KYNU: variants seen among roughly 807,000 people sequenced by gnomAD.
KYNU encodes the protein L-kynurenine hydrolase.
Under a neutral mutation model 59.2 loss-of-function variants are expected in KYNU, and 54 were observed. The observed-to-expected ratio is 0.91, with a 90% confidence interval of 0.73 to 1.14. The LOEUF is 1.14. KYNU is among the 50% of genes most tolerant of loss of function. KYNU has a pLI of 0.00. For synonymous variants in KYNU, 177 were observed against 192.0 expected, an observed-to-expected ratio of 0.92 and a Z score of 0.65; for missense variants, 567 against 554.4, an observed-to-expected ratio of 1.02 and a Z score of -0.23.
chr2:142,984,975 A>G, intron 8 of KYNU, 109 bp from the exon 9 acceptor site: 3 of 763,420 alleles, frequency 3.9e-6, no homozygotes, highest in Non-Finnish European at 2.3e-6. Context: ...CAAAGAGCAA[A>G]CCATAATTTA....
chr2:142,962,040 C>T lies in KYNU; in HGVS notation c.729+1270C>T, dbSNP rs1684372587. Among the ~76,000 whole-genome samples, 3 of 152,232 alleles carry T rather than the reference C, an allele frequency of 2.0e-5. No individual in the cohort carries two copies. The South Asian group carries it at 6.2e-4, about 32-fold the overall frequency. ...TTGACGGATAACTCTGAAAGTGGTG[C>T]ATTACAAAAGATATAAAGATAATGT... On this transcript the variant is annotated intron_variant, in intron 8 of 13. Transcript: ENST00000264170.
At chr2:142,968,695 C>T (rs534781480) in intron 8 of KYNU, among the ~76,000 whole-genome samples, 1 of 152,232 alleles carries the variant, frequency 6.6e-6, no homozygotes, top group South Asian at 2.1e-4. Flanking sequence ...AAGTGGATTG[C>T]GTGAGCCTAG....
chr2:142,983,415 A>G (rs552957108), intron 8 of KYNU, among the ~76,000 whole-genome samples: 25 of 152,166 alleles, frequency 1.6e-4, no homozygotes, highest in African/African-American at 5.8e-4. Context: ...GCTGAAACTT[A>G]CACCTTACCC....
chr2:142,946,367 G>A (rs539567529), intron 4 of KYNU, among the ~76,000 whole-genome samples: 10 of 152,078 alleles, frequency 6.6e-5, no homozygotes, highest in African/African-American at 1.2e-4. Context: ...TACCCTGCCC[G>A]GCTGCCAAAT....
At chr2:143,017,487 G>A (rs1271322115) in intron 10 of KYNU, among the ~76,000 whole-genome samples, 3 of 130,558 alleles carry the variant, frequency 2.3e-5, no homozygotes, top group Non-Finnish European at 3.1e-5. Context: ...TGTTGCCCAG[G>A]ATGGAGCGCA....
rs531530133 is a variant in KYNU, at chr2:142,912,598, C to T, written c.170-6011C>T. Among the ~76,000 whole-genome samples, 9 of 151,426 alleles carry T rather than the reference C, an allele frequency of 5.9e-5. No homozygotes were observed. In the South Asian group the frequency reaches 8.3e-4, roughly 14 times the overall value. Reference sequence around the variant, plus strand: ...TTCTCCATGTTGGTCAGGCTGGTCTCGAACTCCCAACCTCAGGTGATCCGC... The same window carrying T: ...TTCTCCATGTTGGTCAGGCTGGTCTTGAACTCCCAACCTCAGGTGATCCGC... On this transcript the variant is annotated intron_variant, in intron 2 of 13. Transcript: ENST00000264170.
chr2:142,960,347 G>C (rs1413708652), intron 7 of KYNU, among the ~76,000 whole-genome samples: 3 of 152,194 alleles, frequency 2.0e-5, no homozygotes, highest in Non-Finnish European at 2.9e-5. Flanking sequence ...TGTGGAAAGA[G>C]TACAAATTAA....
intron 3 of KYNU, among the ~76,000 whole-genome samples, chr2:142,926,130 G>C (rs947368779): frequency 7.9e-5 from 12 of 152,074 alleles, no homozygotes; most frequent in African/African-American, 2.7e-4. Context: ...GGGCCTGTGG[G>C]GGGTGAGGGG....
chr2:142,880,040 G>C (rs1228092701), intron 1 of KYNU, among the ~76,000 whole-genome samples: 1 of 152,192 alleles, frequency 6.6e-6, no homozygotes, highest in Non-Finnish European at 1.5e-5. Context: ...GTCAGAATGA[G>C]AGAGGGTGCC....
chr2:142,930,316 A>G (rs352894), intron 4 of KYNU, among the ~76,000 whole-genome samples: 3,988 of 152,282 alleles, frequency 0.026, 169 homozygotes, highest in Admixed American at 0.11. Context: ...TTTAAAATAC[A>G]ATTAGAATAT....
intron 8 of KYNU, among the ~76,000 whole-genome samples, chr2:142,979,327 T>G (rs1472206384): frequency 6.6e-6 from 1 of 152,202 alleles, no homozygotes; most frequent in Non-Finnish European, 1.5e-5. Flanking sequence ...AGAGAATAGC[T>G]ATTGACTTTT....
At chr2:142,932,133 T>G (rs1035324100) in intron 4 of KYNU, among the ~76,000 whole-genome samples, 2 of 152,084 alleles carry the variant, frequency 1.3e-5, no homozygotes, top group Non-Finnish European at 2.9e-5. Context: ...AGAGCCAGAC[T>G]GGGTAATTTC....
intron 4 of KYNU, among the ~76,000 whole-genome samples, chr2:142,937,511 A>G (rs1390798780): frequency 6.7e-6 from 1 of 150,236 alleles, no homozygotes; most frequent in Non-Finnish European, 1.5e-5. Context: ...CATGAGCCAA[A>G]CTAAATTTAA....
intron 7 of KYNU, among the ~76,000 whole-genome samples, chr2:142,959,498 A>G (rs537803023): frequency 6.6e-6 from 1 of 151,940 alleles, no homozygotes; most frequent in Non-Finnish European, 1.5e-5. Flanking sequence ...AGGCAGGAGA[A>G]TCACTTGAAC....
chr2:142,912,703 C>CTTTTTTTTTTTTTTTT (rs1163302368), intron 2 of KYNU, among the ~76,000 whole-genome samples: 1 of 71,836 alleles, frequency 1.4e-5, no homozygotes, highest in Admixed American at 2.0e-4. Context: ...TTCTTTCTTC[C>CTTTTTTTTTTTTTTTT]TTTTTTTTTT....
At chr2:142,906,601 C>T (rs750538948) in intron 2 of KYNU, among the ~76,000 whole-genome samples, 45 of 152,018 alleles carry the variant, frequency 3.0e-4, no homozygotes, top group Non-Finnish European at 1.0e-4. Flanking sequence ...ATACAACCTA[C>T]TCTAATACTT....
rs938689481 is a variant in KYNU, at chr2:142,952,182, T to A, written c.374-2628T>A. Among the ~76,000 whole-genome samples, 11 of 152,096 alleles carry A rather than the reference T, an allele frequency of 7.2e-5. 1 individual carries two copies. Among genetic ancestry groups the A allele is most frequent in the Admixed American group, 5.9e-4 (9 of 15,262 alleles). Reference sequence around the variant, plus strand: ...CGCCACCTTCCCCAGGCTCAAGCGATTCTCCAACTCAGCCTTCCAAGTAGC... The same window carrying A: ...CGCCACCTTCCCCAGGCTCAAGCGAATCTCCAACTCAGCCTTCCAAGTAGC... On this transcript the variant is annotated intron_variant, in intron 4 of 13. Coordinates refer to ENST00000264170, the MANE Select transcript of KYNU (RefSeq NM_003937.3).
chr2:142,905,107 A>G (rs1172717265), intron 2 of KYNU, among the ~76,000 whole-genome samples: 1 of 152,188 alleles, frequency 6.6e-6, no homozygotes, highest in Non-Finnish European at 1.5e-5. Context: ...TTCTTTGCCC[A>G]CTAGGGTCTT....
At chr2:142,880,638 G>T (rs772070519) in intron 1 of KYNU, among the ~76,000 whole-genome samples, 9 of 152,184 alleles carry the variant, frequency 5.9e-5, no homozygotes, top group Non-Finnish European at 1.2e-4. Flanking sequence ...CCACAGCTCA[G>T]ATTCCTGAAA....
Sources: allele counts gnomAD v4.1 joint callset (sites outside exome capture counted in the v4.1 genomes callset), GRCh38; gene constraint gnomAD v4.1.1; transcripts MANE v1.5; gene names NCBI Gene and HGNC (gene_info 2026-07-23, HGNC 2026-07-21).